SLC44A5: variants seen among roughly 807,000 people sequenced by gnomAD.
SLC44A5 encodes the protein solute carrier family 44 member 5, also known as choline transporter-like protein 5.
In SLC44A5, 57 loss-of-function variants were observed where a neutral mutation model predicts 101.8. The ratio of observed to expected loss-of-function variants is 0.56; its 90% confidence interval spans 0.45 to 0.70. SLC44A5 has a LOEUF of 0.70. Ranked by LOEUF, SLC44A5 falls within the 30% of genes least tolerant of loss-of-function variation. SLC44A5 has a pLI of 0.00. For missense variants in SLC44A5, 737 were observed against 853.1 expected, an observed-to-expected ratio of 0.86 and a Z score of 1.70; for synonymous variants, 281 against 290.9, an observed-to-expected ratio of 0.97 and a Z score of 0.35.
At chr1:75,539,962 G>A (rs563987984) in intron 2 of SLC44A5, among the ~76,000 whole-genome samples, 41 of 152,298 alleles carry the variant, frequency 2.7e-4, no homozygotes, top group African/African-American at 9.6e-4. Context: ...AAAACTCCAA[G>A]AGCATGCCAG....
chr1:75,564,638 G>A (rs1289507829), intron 1 of SLC44A5, among the ~76,000 whole-genome samples: 1 of 5,458 alleles, frequency 1.8e-4, no homozygotes, highest in Non-Finnish European at 4.4e-4. Context: ...TTTATTTTTC[G>A]AGATGGAGTC....
the SLC44A5 span, among the ~76,000 whole-genome samples, chr1:75,722,516 TA>T: frequency 4.6e-5 from 7 of 152,332 alleles, 1 homozygote; most frequent in African/African-American, 1.7e-4. Flanking sequence ...AGTTACGATC[TA>T]GGCACAAATG....
At chr1:75,337,105 C>T (rs187013717) in intron 4 of SLC44A5, among the ~76,000 whole-genome samples, 1 of 152,248 alleles carries the variant, frequency 6.6e-6, no homozygotes, top group Non-Finnish European at 1.5e-5. Flanking sequence ...TGTAATAATG[C>T]TATGGCCGTT....
intron 7 of SLC44A5, among the ~76,000 whole-genome samples, chr1:75,248,346 A>G (rs1649292751): frequency 6.6e-6 from 1 of 152,124 alleles, no homozygotes; most frequent in Admixed American, 6.6e-5. Flanking sequence ...ATGATAATAA[A>G]AAAACATTTC....
At chr1:75,624,496 G>A in the SLC44A5 span, among the ~76,000 whole-genome samples, 17 of 152,132 alleles carry the variant, frequency 1.1e-4, no homozygotes, top group African/African-American at 3.9e-4. Context: ...GTTTACACTA[G>A]AGGGGCTCTT....
chr1:75,427,997 A>G (rs1240266100), intron 2 of SLC44A5, among the ~76,000 whole-genome samples: 3 of 152,224 alleles, frequency 2.0e-5, no homozygotes, highest in African/African-American at 7.2e-5. Context: ...TAGTGTATTT[A>G]ACAGGCAGTG....
At position 75,590,403 on chromosome 1, in the gene SLC44A5, C is replaced by T. The variant is rs553355768; in HGVS notation, c.-70+20637G>A. On this transcript the variant is annotated intron_variant, in intron 1 of 23. Transcript: ENST00000370859. ...GCTACCTAAATAACCAGTAGCAATA[C>T]CCAGGTACTACATCAAGGGCCTTGG... Among the ~76,000 whole-genome samples the T allele has an allele frequency of 2.0e-5, 3 of 152,194 alleles. No individual in the cohort carries two copies. The East Asian group carries it at 5.8e-4, about 29-fold the overall frequency.
rs557693503 is a variant in SLC44A5 at position 75,319,631 on chromosome 1, C to T, written c.102-18946G>A. Among the ~76,000 whole-genome samples the T allele has an allele frequency of 5.3e-5, 8 of 152,268 alleles. No individual in the cohort carries two copies. The East Asian group carries it at 5.8e-4, about 11-fold the overall frequency. ...AACCCCACAAGAGGCAAGACTATGA[C>T]GGCATTTCTGCCTTTCTACTATCAT... On this transcript the variant is annotated intron_variant, in intron 4 of 23. Transcript: ENST00000370859.
At chr1:75,287,608 C>T (rs369766618) in intron 5 of SLC44A5, among the ~76,000 whole-genome samples, 2 of 151,898 alleles carry the variant, frequency 1.3e-5, no homozygotes, top group East Asian at 1.9e-4. Flanking sequence ...GCTCAAGGGC[C>T]GCTGTTCAGA....
chr1:75,599,447 T>C (rs1278962243), intron 1 of SLC44A5, among the ~76,000 whole-genome samples: 1 of 152,132 alleles, frequency 6.6e-6, no homozygotes, highest in Non-Finnish European at 1.5e-5. Flanking sequence ...GCGGTCAGGT[T>C]TTTGGTTCCT....
rs369897766 is a variant in SLC44A5 at position 75,525,608 on chromosome 1, CTTTG to C, written c.13+15823_13+15826del. On this transcript the variant is annotated intron_variant, in intron 2 of 23. Coordinates refer to ENST00000370859, the MANE Select transcript of SLC44A5 (RefSeq NM_001130058.2). Reference sequence around the variant, plus strand: ...ATGTAACATGAATACAATCTGTGAACTTTGTTTGAAAAAAAGAGAGAGAATGAGA... The same window carrying C: ...ATGTAACATGAATACAATCTGTGAACTTTGAAAAAAAGAGAGAGAATGAGA... Among the ~76,000 whole-genome samples, 126 of 151,730 alleles carry C rather than the reference CTTTG, an allele frequency of 8.3e-4. 2 individuals carry two copies. Among genetic ancestry groups the C allele is most frequent in the African/African-American group, 2.8e-3 (116 of 41,366 alleles).
intron 2 of SLC44A5, among the ~76,000 whole-genome samples, chr1:75,515,360 A>T (rs1669771686): frequency 6.6e-6 from 1 of 152,062 alleles, no homozygotes; most frequent in Non-Finnish European, 1.5e-5. Context: ...ATGCTGCATG[A>T]TAGATGTCAA....
chr1:75,388,668 A>G (rs1000975194), intron 3 of SLC44A5, among the ~76,000 whole-genome samples: 1 of 152,026 alleles, frequency 6.6e-6, no homozygotes, highest in African/African-American at 2.4e-5. Context: ...GGTCCCAGCA[A>G]CTTGGGAGGC....
chr1:75,368,659 A>T (rs1557709394), intron 3 of SLC44A5, among the ~76,000 whole-genome samples: 7 of 149,936 alleles, frequency 4.7e-5, no homozygotes, highest in Non-Finnish European at 7.4e-5. Flanking sequence ...ACACACACAC[A>T]CACACACACA....
At chr1:75,482,297 C>G (rs966255515) in intron 2 of SLC44A5, among the ~76,000 whole-genome samples, 108 of 152,052 alleles carry the variant, frequency 7.1e-4, no homozygotes, top group African/African-American at 2.6e-3. Flanking sequence ...GGAGGGATAG[C>G]ATTAGGAGAT....
the SLC44A5 span, among the ~76,000 whole-genome samples, chr1:75,696,676 A>G: frequency 6.6e-6 from 1 of 152,116 alleles, no homozygotes; most frequent in African/African-American, 2.4e-5. Context: ...CGGGGAGACC[A>G]CGAGGTCAGG....
the SLC44A5 span, among the ~76,000 whole-genome samples, chr1:75,700,731 A>G: frequency 6.6e-6 from 1 of 152,224 alleles, no homozygotes; most frequent in Non-Finnish European, 1.5e-5. Flanking sequence ...GGTTTTTTGA[A>G]AAGATCAACA....
At chr1:75,218,424 A>C (rs1216680564) in intron 17 of SLC44A5, 66 bp downstream of exon 17, 5 of 1,575,502 alleles carry the variant, frequency 3.2e-6, no homozygotes, top group Non-Finnish European at 4.3e-6. Flanking sequence ...TAATGAGCCA[A>C]GACTGAATTA....
intron 1 of SLC44A5, among the ~76,000 whole-genome samples, chr1:75,583,541 T>C (rs1414815025): frequency 1.3e-5 from 2 of 152,174 alleles, no homozygotes; most frequent in African/African-American, 4.8e-5. Flanking sequence ...TCCTTCCTTG[T>C]TGCCCCACAG....
Sources: allele counts gnomAD v4.1 joint callset (sites outside exome capture counted in the v4.1 genomes callset), GRCh38; gene constraint gnomAD v4.1.1; transcripts MANE v1.5; gene names NCBI Gene and HGNC (gene_info 2026-07-23, HGNC 2026-07-21).